Variants in RFX3 observed in about 807,000 individuals in gnomAD.
RFX3 encodes the protein regulatory factor X3.
A neutral mutation model predicts 98.6 loss-of-function variants in RFX3; 14 were observed. The ratio of observed to expected loss-of-function variants is 0.14; its 90% CI spans 0.09 to 0.22. The LOEUF is 0.22. Among genes scored for constraint, RFX3 ranks in the 10% least tolerant of loss-of-function variants. The probability of loss-of-function intolerance (pLI) is 1.00; values close to 1 mark genes in which losing one functional copy is unlikely to be tolerated. For synonymous variants in RFX3, 383 were observed against 328.4 expected, an observed-to-expected ratio of 1.17 and a Z score of -1.80; for missense variants, 639 against 926.9, an observed-to-expected ratio of 0.69 and a Z score of 4.03.
At chr9:3,520,175 A>C (rs1818566457) in intron 1 of RFX3, among the ~76,000 whole-genome samples, 1 of 152,210 alleles carries the variant, frequency 6.6e-6, no homozygotes. Context: ...TTTAAAGAAA[A>C]ATGCCTAACC....
chr9:3,498,913 A>G (rs1328522981), intron 1 of RFX3, among the ~76,000 whole-genome samples: 1 of 152,002 alleles, frequency 6.6e-6, no homozygotes, highest in Admixed American at 6.6e-5. Flanking sequence ...GTACTAATAA[A>G]CCTGTAGGCT....
chr9:3,287,794 AT>A (rs1258920717), intron 7 of RFX3, among the ~76,000 whole-genome samples: 18 of 151,990 alleles, frequency 1.2e-4, no homozygotes, highest in Non-Finnish European at 1.5e-4. Context: ...GATGTGCAGA[AT>A]AGCAAGTCAG....
rs537315922 is a variant in RFX3, at chr9:3,295,550, A to C, written c.550-2292T>G. On this transcript the variant is annotated intron_variant, in intron 5 of 16. Coordinates refer to ENST00000617270, the MANE Select transcript of RFX3 (RefSeq NM_001282116.2). ...CTGGAAAGGCAGACATAAAAAATGT[A>C]AATACTTTTTGAAACAGAGTAGTAT... Among the ~76,000 whole-genome samples the C allele has an allele frequency of 4.6e-5, 7 of 152,244 alleles. No individual in the cohort carries two copies. The South Asian group carries it at 1.4e-3, about 32-fold the overall frequency.
At chr9:3,465,337 C>G (rs946634097) in intron 1 of RFX3, among the ~76,000 whole-genome samples, 1 of 151,970 alleles carries the variant, frequency 6.6e-6, no homozygotes, top group Non-Finnish European at 1.5e-5. Flanking sequence ...GTTTCCCAGG[C>G]TGGAATGCAG....
chr9:3,364,575 C>A (rs1277213947), intron 2 of RFX3: 1 of 163,778 alleles, frequency 6.1e-6, no homozygotes, highest in Non-Finnish European at 1.3e-5. Flanking sequence ...TTGATGCCAT[C>A]CAGGCAGATG....
intron 4 of RFX3, among the ~76,000 whole-genome samples, chr9:3,309,592 G>A (rs942962640): frequency 6.6e-6 from 1 of 151,940 alleles, no homozygotes; most frequent in African/African-American, 2.4e-5. Flanking sequence ...GGGGTGGGGA[G>A]GAGAGGGTCA....
At chr9:3,366,703 T>TTTCTTTCTTTCTTTCTTTCTTTCTTTC (rs1837182513) in intron 2 of RFX3, among the ~76,000 whole-genome samples, 4 of 118,280 alleles carry the variant, frequency 3.4e-5, no homozygotes, top group East Asian at 5.4e-4. Context: ...CCTTTCTTTC[T>TTTCTTTCTTTCTTTCTTTCTTTCTTTC]TTCTTTCTTT....
At chr9:3,382,668 C>G (rs1839316787) in intron 2 of RFX3, among the ~76,000 whole-genome samples, 1 of 152,090 alleles carries the variant, frequency 6.6e-6, no homozygotes, top group South Asian at 2.1e-4. Context: ...TTATACACAC[C>G]TGTTTTAAAA....
intron 16 of RFX3, among the ~76,000 whole-genome samples, chr9:3,228,116 T>C (rs780883436): frequency 3.9e-5 from 6 of 152,218 alleles, no homozygotes; most frequent in Non-Finnish European, 7.3e-5. Context: ...CAGTGGTTAA[T>C]AGATAATTTA....
At chr9:3,249,446 T>C (rs894908232) in intron 14 of RFX3, among the ~76,000 whole-genome samples, 9 of 152,272 alleles carry the variant, frequency 5.9e-5, no homozygotes, top group Admixed American at 5.2e-4. Context: ...TTTAGTCTTA[T>C]CTAACTTACA....
At chr9:3,305,691 C>G (rs1255438305) in intron 4 of RFX3, among the ~76,000 whole-genome samples, 1 of 151,896 alleles carries the variant, frequency 6.6e-6, no homozygotes, top group Non-Finnish European at 1.5e-5. Flanking sequence ...ATCATAGTTT[C>G]AAGGGGGTAG....
intron 9 of RFX3, among the ~76,000 whole-genome samples, chr9:3,272,550 G>C (rs1232640027): frequency 2.0e-5 from 3 of 152,142 alleles, no homozygotes; most frequent in African/African-American, 7.2e-5. Flanking sequence ...CAAAATGCAA[G>C]CTCTGAAAAT....
chr9:3,271,912 T>A (rs914186603), intron 9 of RFX3, among the ~76,000 whole-genome samples: 2 of 152,068 alleles, frequency 1.3e-5, no homozygotes, highest in Non-Finnish European at 2.9e-5. Context: ...AATCCAATCC[T>A]ACCTCTGCAT....
intron 2 of RFX3, among the ~76,000 whole-genome samples, chr9:3,366,384 C>CACAT (rs1837075905): frequency 6.6e-6 from 1 of 152,160 alleles, no homozygotes; most frequent in African/African-American, 2.4e-5. Context: ...TGTGTGTCTG[C>CACAT]ACATACATAC....
At chr9:3,380,628 A>T (rs1839081871) in intron 2 of RFX3, among the ~76,000 whole-genome samples, 1 of 152,224 alleles carries the variant, frequency 6.6e-6, no homozygotes, top group Admixed American at 6.5e-5. Flanking sequence ...CCTTTAGTTC[A>T]TATCTCTAAT....
intron 2 of RFX3, among the ~76,000 whole-genome samples, chr9:3,351,349 T>C (rs1185609181): frequency 6.6e-6 from 1 of 151,928 alleles, no homozygotes; most frequent in Non-Finnish European, 1.5e-5. Context: ...ACTAGTTTAA[T>C]TAAATAATAT....
At chr9:3,420,364 C>T (rs1167522681) in intron 1 of RFX3, among the ~76,000 whole-genome samples, 1 of 152,192 alleles carries the variant, frequency 6.6e-6, no homozygotes, top group African/African-American at 2.4e-5. Context: ...AAGAAAGCTA[C>T]AGTAGTTGTG....
At chr9:3,355,064 T>A (rs1451821654) in intron 2 of RFX3, among the ~76,000 whole-genome samples, 2 of 151,834 alleles carry the variant, frequency 1.3e-5, no homozygotes, top group African/African-American at 2.4e-5. Context: ...TAAATACATA[T>A]TTTTTAAATC....
intron 1 of RFX3, among the ~76,000 whole-genome samples, chr9:3,502,373 T>G: frequency 6.6e-6 from 1 of 152,256 alleles, no homozygotes; most frequent in East Asian, 1.9e-4. Flanking sequence ...TTGAGGATAA[T>G]GAAAAGGTAC....
Sources: allele counts gnomAD v4.1 joint callset (sites outside exome capture counted in the v4.1 genomes callset), GRCh38; gene constraint gnomAD v4.1.1; transcripts MANE v1.5; gene names NCBI Gene and HGNC (gene_info 2026-07-23, HGNC 2026-07-21).